IQANK1: variants seen among roughly 807,000 people sequenced by gnomAD.
The protein encoded by IQANK1 is IQ motif and ankyrin repeat domain-containing protein 1.
Under a neutral mutation model 22.6 loss-of-function variants are expected in IQANK1, and 30 were observed. The observed-to-expected ratio is 1.33, with a 90% CI of 0.99 to 1.80. IQANK1 has a LOEUF of 1.80. Ranked by LOEUF, IQANK1 falls within the 40% of genes most tolerant of loss-of-function variation. The pLI is 0.00. For synonymous variants in IQANK1, 122 were observed against 99.6 expected, an observed-to-expected ratio of 1.23 and a Z score of -1.34; for missense variants, 275 against 235.2, an observed-to-expected ratio of 1.17 and a Z score of -1.11.
chr8:143,775,633 G>A (rs1419551480), intron 7 of IQANK1, among the ~76,000 whole-genome samples: 1 of 151,994 alleles, frequency 6.6e-6, no homozygotes, highest in East Asian at 1.9e-4. Flanking sequence ...GTGGTGGTGG[G>A]CACCTCTAAT....
rs370428606 is a variant in IQANK1, at chr8:143,751,664, G to GTGTATGTATATATATATATATATA, written c.175+11717_175+11718insGTATGTATATATATATATATATAT. Among the ~76,000 whole-genome samples, 3 of 61,550 alleles carry GTGTATGTATATATATATATATATA rather than the reference G, an allele frequency of 4.9e-5. No homozygotes were observed. The South Asian group carries it at 2.1e-3, about 43-fold the overall frequency. The allele number at this position is 61,550 out of a possible 152,430, so 40.4% of individuals were successfully genotyped here. A position where few individuals can be genotyped will look rare whatever the true frequency, so the allele number is the denominator to read the frequency against. On this transcript the variant is annotated intron_variant, in intron 3 of 13. Transcript: ENST00000527139. ...TGTGTGTGTGTGTGTGTGTGTGTGTGTATATATATATATAAAATCCTATAC... is the reference window on the plus strand; with the variant it reads ...TGTGTGTGTGTGTGTGTGTGTGTGTGTGTATGTATATATATATATATATATATATATATATATAAAATCCTATAC...
intron 3 of IQANK1, among the ~76,000 whole-genome samples, chr8:143,752,852 G>A (rs181099161): frequency 1.3e-5 from 2 of 152,222 alleles, no homozygotes; most frequent in East Asian, 3.9e-4. Flanking sequence ...ACATGAGGAT[G>A]TATTTCTCAG....
chr8:143,737,751 G>A (rs1213168977), intron 2 of IQANK1, among the ~76,000 whole-genome samples: 2 of 152,156 alleles, frequency 1.3e-5, no homozygotes, highest in Non-Finnish European at 2.9e-5. Flanking sequence ...TCCTCCTGTA[G>A]CTGCTGCAGC....
chr8:143,769,260 A>G (rs1554629489), intron 3 of IQANK1, among the ~76,000 whole-genome samples: 1 of 152,020 alleles, frequency 6.6e-6, no homozygotes, highest in Non-Finnish European at 1.5e-5. Flanking sequence ...GGGTCTCCCT[A>G]CGTGGCCCAG....
chr8:143,764,537 G>A (rs1554629078), intron 3 of IQANK1, among the ~76,000 whole-genome samples: 2 of 151,792 alleles, frequency 1.3e-5, no homozygotes, highest in African/African-American at 4.8e-5. Flanking sequence ...GGGAGGTCAA[G>A]GCTGCAGTGA....
rs1430371484 is a variant in IQANK1 at position 143,771,541 on chromosome 8, C to A, written c.229C>A (p.Arg77=). 1 of 398,042 alleles carries A rather than the reference C, an allele frequency of 2.5e-6. No homozygotes were observed. Among genetic ancestry groups the A allele is most frequent in the African/African-American group, 2.1e-5 (1 of 48,598 alleles). 24.7% of individuals were successfully genotyped at this position (398,042 alleles called of 1,614,324 possible). A position where few individuals can be genotyped will look rare whatever the true frequency, so the allele number is the denominator to read the frequency against. ...GATCCAGGGCGCCTTCCGGCAGCTC[C>A]GGGCCAGGAGGGAGCTCGCCCGCCG... The part of the protein sequence containing the change: ...RAIQGAFRQL[R]ARRELARRRE... The change falls in exon 4 of 14, where the codon CGG becomes AGG. Residue 77 remains arginine, a synonymous_variant. Transcript: ENST00000527139. This position sits in a 1 kb window ranked among gnomAD's most constrained non-coding sequence, Gnocchi z 6.0.
chr8:143,734,450 C>T lies in IQANK1; in HGVS notation c.-5+231C>T, dbSNP rs528462155. On this transcript the variant is annotated intron_variant, in intron 1 of 13. Transcript: ENST00000527139. ...TCTCCCTCACCCCCTCACACCGATG[C>T]CCACACTTGTAGGGGACTCTGCCGC... Among the ~76,000 whole-genome samples, 5 of 151,254 alleles carry T rather than the reference C, an allele frequency of 3.3e-5. No homozygotes were observed. The East Asian group carries it at 5.9e-4, about 18-fold the overall frequency.
At chr8:143,766,720 T>C (rs1819487647) in intron 3 of IQANK1, among the ~76,000 whole-genome samples, 1 of 152,142 alleles carries the variant, frequency 6.6e-6, no homozygotes, top group African/African-American at 2.4e-5. Context: ...ATGTTTTCTT[T>C]TGGGTATTTT....
At chr8:143,748,888 TAAATACTTAAAA>T (rs1819109596) in intron 3 of IQANK1, among the ~76,000 whole-genome samples, 4 of 111,326 alleles carry the variant, frequency 3.6e-5, no homozygotes, top group South Asian at 2.7e-4. Context: ...ATATATATCA[TAAATACTTAAAA>T]ATATACATAT....
At position 143,735,833 on chromosome 8, in the gene IQANK1, C is replaced by T. The variant is rs191035365; in HGVS notation, c.-4-17C>T. 3.3e-5 allele frequency: 23 copies of T among 702,620 alleles called. No individual in the cohort carries two copies. The East Asian group carries it at 6.2e-4, about 19-fold the overall frequency. The allele number at this position is 702,620 out of a possible 1,614,324, so 43.5% of individuals were successfully genotyped here. A position where few individuals can be genotyped will look rare whatever the true frequency, so the allele number is the denominator to read the frequency against. On this transcript the variant is annotated splice_polypyrimidine_tract_variant and intron_variant, in intron 1 of 13. Coordinates refer to ENST00000527139, the MANE Select transcript of IQANK1 (RefSeq NM_001381874.1). The surrounding 1 kb of genome is among the most constrained non-coding windows in gnomAD (Gnocchi z 5.2). ...TCTGAGCACCCTCTCCCTGGTCCTT[C>T]CCTACCCACCCCCCAGGAGAATGGA... is the stretch of plus-strand genomic sequence containing the variant.
chr8:143,790,250 T>C lies in IQANK1; in HGVS notation c.1403T>C (p.Leu468Pro). 3 of 1,232,162 alleles carry C rather than the reference T, an allele frequency of 2.4e-6. No homozygotes were observed. The highest frequency in any genetic ancestry group is 3.0e-6 in the Non-Finnish European group (3 of 988,054). The allele number at this position is 1,232,162 out of a possible 1,614,324, so 76.3% of individuals were successfully genotyped here. A position where few individuals can be genotyped will look rare whatever the true frequency, so the allele number is the denominator to read the frequency against. Residue 468 changes from leucine to proline, a missense_variant, in exon 13 of 14, where the codon CTG (leucine) becomes CCG (proline). Leu to Pro is a moderately conservative substitution (Grantham distance 98). Transcript: ENST00000527139. The part of the protein sequence containing the change: ...PEPLRPETMW[L>P]ALLGALRYGK... ...CCCCTGAGGCCGGAGACGATGTGGC[T>C]GGCTCTGCTGGGGGCTCTGCGGTGA...
At chr8:143,779,773 A>T (rs543225543) in intron 7 of IQANK1, among the ~76,000 whole-genome samples, 4 of 152,356 alleles carry the variant, frequency 2.6e-5, no homozygotes, top group South Asian at 2.1e-4. Flanking sequence ...TTGAAGATTC[A>T]TGAGATAGTG....
At chr8:143,757,104 CAG>C (rs1373339293) in intron 3 of IQANK1, among the ~76,000 whole-genome samples, 3 of 152,136 alleles carry the variant, frequency 2.0e-5, no homozygotes, top group African/African-American at 7.2e-5. Context: ...AACTGACAGT[CAG>C]AGTGTCACTG....
intron 7 of IQANK1, among the ~76,000 whole-genome samples, chr8:143,775,756 C>T (rs1444870247): frequency 5.2e-5 from 7 of 134,998 alleles, no homozygotes; most frequent in African/African-American, 1.7e-4. Flanking sequence ...AGTGAGATTC[C>T]GCCTCAAAAA....
chr8:143,773,012 G>A (rs1268743999), intron 7 of IQANK1, among the ~76,000 whole-genome samples: 4 of 152,186 alleles, frequency 2.6e-5, no homozygotes, highest in African/African-American at 9.6e-5. Context: ...AGAAAGGACA[G>A]TCTGGCTGTC....
intron 3 of IQANK1, among the ~76,000 whole-genome samples, chr8:143,757,339 C>CTT (rs781980396): frequency 1.6e-4 from 23 of 143,310 alleles, no homozygotes; most frequent in Non-Finnish European, 2.2e-4. Context: ...ATGTGTCTTT[C>CTT]TTTTTTTTTT....
intron 7 of IQANK1, among the ~76,000 whole-genome samples, chr8:143,778,877 T>C (rs1343059593): frequency 1.3e-5 from 2 of 152,224 alleles, no homozygotes; most frequent in East Asian, 3.8e-4. Context: ...TTCTCCTGCC[T>C]CAGCCTCCAG....
chr8:143,751,611 CAAAA>C (rs1184308306), intron 3 of IQANK1, among the ~76,000 whole-genome samples: 1 of 79,270 alleles, frequency 1.3e-5, no homozygotes, highest in Non-Finnish European at 2.5e-5. Context: ...GACTTCATCT[CAAAA>C]AAAAAAAAAA....
At chr8:143,773,845 A>T (rs1404685531) in intron 7 of IQANK1, among the ~76,000 whole-genome samples, 1 of 152,078 alleles carries the variant, frequency 6.6e-6, no homozygotes, top group African/African-American at 2.4e-5. Context: ...CAGAGGTGCA[A>T]GTGGGAGTCA....
Sources: allele counts gnomAD v4.1 joint callset (sites outside exome capture counted in the v4.1 genomes callset), GRCh38; gene constraint gnomAD v4.1.1; non-coding constraint Gnocchi (gnomAD v3.1); transcripts MANE v1.5; gene names NCBI Gene and HGNC (gene_info 2026-07-23, HGNC 2026-07-21).